DUS4L: variants seen among roughly 807,000 people sequenced by gnomAD.
The protein encoded by DUS4L is dihydrouridine synthase 4 like.
In DUS4L, 31 loss-of-function variants were observed where a neutral mutation model predicts 33.8. That is an observed-to-expected ratio of 0.92 (90% CI 0.69 to 1.24). The LOEUF is 1.24. DUS4L is among the 50% of genes most tolerant of loss of function. DUS4L has a pLI of 0.00. For missense variants in DUS4L, 368 were observed against 388.6 expected, an observed-to-expected ratio of 0.95 and a Z score of 0.45; for synonymous variants, 103 against 120.3, an observed-to-expected ratio of 0.86 and a Z score of 0.94.
intron 3 of DUS4L, among the ~76,000 whole-genome samples, chr7:107,567,570 C>T (rs935676299): frequency 3.3e-5 from 5 of 152,096 alleles, no homozygotes; most frequent in African/African-American, 1.2e-4. Context: ...AATATTTCTT[C>T]GTATCTTTTG....
Position 107,576,630 on chromosome 7 carries a change from G to A in DUS4L, c.706+38G>A, listed in dbSNP as rs754960060. 4 of 1,518,202 alleles carry A rather than the reference G, an allele frequency of 2.6e-6. No homozygotes were observed. The South Asian group carries it at 3.7e-5, about 14-fold the overall frequency. 94.0% of individuals were successfully genotyped at this position (1,518,202 alleles called of 1,614,324 possible). A position where few individuals can be genotyped will look rare whatever the true frequency, so the allele number is the denominator to read the frequency against. The stretch of plus-strand genomic sequence containing the variant: ...TACTTGGGTTCTTTTAATTGGGGGG[G>A]GAAGAAATGAGAGTGGGGAAGTAAT... On this transcript the variant is annotated intron_variant, in intron 7 of 7. Transcript: ENST00000265720.
intron 3 of DUS4L, among the ~76,000 whole-genome samples, chr7:107,567,525 G>C (rs1173740410): frequency 1.3e-5 from 2 of 151,944 alleles, no homozygotes; most frequent in African/African-American, 4.8e-5. Flanking sequence ...TGCAATTATG[G>C]GTCCTAAGGT....
intron 4 of DUS4L, 106 bp downstream of exon 4, chr7:107,571,372 C>G: frequency 7.1e-7 from 1 of 1,413,064 alleles, no homozygotes; most frequent in Non-Finnish European, 9.4e-7. Flanking sequence ...TGTGAAGAAG[C>G]TTTAGTTCTT....
rs935531991 is a variant in DUS4L at position 107,564,055 on chromosome 7, C to T, written c.-265C>T. On this transcript the variant is annotated 5_prime_UTR_variant, in exon 1 of 8. Transcript: ENST00000265720. ...CTGGGCTAAGCCTGGCTAGGAGCCGCGCAGGTACTCGAGCAGTGGGCGCCC... is the reference window on the plus strand; with the variant it reads ...CTGGGCTAAGCCTGGCTAGGAGCCGTGCAGGTACTCGAGCAGTGGGCGCCC... 1.1e-5 allele frequency: 17 copies of T among 1,510,654 alleles called. No individual in the cohort carries two copies. Among genetic ancestry groups the T allele is most frequent in the Admixed American group, 9.8e-5 (5 of 50,886 alleles). 93.6% of individuals were successfully genotyped at this position (1,510,654 alleles called of 1,614,324 possible).
rs1238315747 is a variant in DUS4L, at chr7:107,564,074, GGCGCCCAGGGTCCGAGTGCTCT to G, written c.-237_-216del. The G allele has an allele frequency of 2.1e-6, 3 of 1,425,526 alleles. No homozygotes were observed. The African/African-American group carries it at 4.2e-5, about 20-fold the overall frequency. The allele number at this position is 1,425,526 out of a possible 1,614,324, so 88.3% of individuals were successfully genotyped here. A position where few individuals can be genotyped will look rare whatever the true frequency, so the allele number is the denominator to read the frequency against. ...GAGCCGCGCAGGTACTCGAGCAGTG[GGCGCCCAGGGTCCGAGTGCTCT>G]GCGCCCAGCGCACCGAGGGAGCCAA... On this transcript the variant is annotated 5_prime_UTR_variant, in exon 1 of 8. Transcript: ENST00000265720.
At chr7:107,566,125 G>A (rs183292915) in intron 2 of DUS4L, among the ~76,000 whole-genome samples, 2 of 152,172 alleles carry the variant, frequency 1.3e-5, no homozygotes, top group Admixed American at 6.5e-5. Flanking sequence ...GGTGCTTCCA[G>A]CGGTTTCTTG....
At position 107,577,619 on chromosome 7, in the gene DUS4L, G is replaced by A; in HGVS notation, c.*59G>A. On this transcript the variant is annotated 3_prime_UTR_variant, in exon 8 of 8. Coordinates refer to ENST00000265720, the MANE Select transcript of DUS4L (RefSeq NM_181581.3). Reference sequence around the variant, plus strand: ...TAGACCCACAGTGAAACCACAGAAGGTCATATTTTGTACCTTAAACCAGTA... The same window carrying A: ...TAGACCCACAGTGAAACCACAGAAGATCATATTTTGTACCTTAAACCAGTA... The A allele has an allele frequency of 2.0e-6, 3 of 1,529,862 alleles. No homozygotes were observed. Among genetic ancestry groups the A allele is most frequent in the Non-Finnish European group, 2.6e-6 (3 of 1,133,804 alleles). The allele number at this position is 1,529,862 out of a possible 1,614,324, so 94.8% of individuals were successfully genotyped here.
Position 107,571,210 on chromosome 7 carries a change from C to G in DUS4L, c.182C>G (p.Ala61Gly). 6.2e-7 allele frequency: 1 copy of G among 1,611,158 alleles called. No individual in the cohort carries two copies. Among genetic ancestry groups the G allele is most frequent in the Non-Finnish European group, 8.5e-7 (1 of 1,179,294 alleles). The part of the protein sequence containing the change: ...CDLCYTPMIV[A>G]ADFVKSIKAR... ...CTGTGTTACACACCAATGATTGTTG[C>G]CGCTGATTTTGTCAAATCTATAAAA... Residue 61 changes from alanine to glycine, a missense_variant, in exon 4 of 8, where the codon GCC becomes GGC. By Grantham distance (60) the Ala-to-Gly change is moderately conservative (BLOSUM62 0). Transcript: ENST00000265720.
rs532651717 is a variant in DUS4L at position 107,567,683 on chromosome 7, G to A, written c.116+497G>A. The A allele has an allele frequency of 2.6e-5, 9 of 344,802 alleles. No individual in the cohort carries two copies. In the Admixed American group the frequency reaches 3.2e-4, roughly 12 times the overall value. 21.4% of individuals were successfully genotyped at this position (344,802 alleles called of 1,614,324 possible). A position where few individuals can be genotyped will look rare whatever the true frequency, so the allele number is the denominator to read the frequency against. ...AAATTTACCTCTCGATCATTTTTAA[G>A]TATACAGTTCAGCAGTGTTAATTAC... is the stretch of plus-strand genomic sequence containing the variant. On this transcript the variant is annotated intron_variant, in intron 3 of 7. Coordinates refer to ENST00000265720, the MANE Select transcript of DUS4L (RefSeq NM_181581.3).
At chr7:107,572,854 A>AG (rs1453390120) in intron 4 of DUS4L, among the ~76,000 whole-genome samples, 4 of 152,176 alleles carry the variant, frequency 2.6e-5, no homozygotes, top group African/African-American at 9.7e-5. Flanking sequence ...AAAAAAAAAA[A>AG]AAATTAAACA....
chr7:107,575,471 C>T, intron 6 of DUS4L, 161 bp downstream of exon 6: 2 of 697,580 alleles, frequency 2.9e-6, no homozygotes, highest in Non-Finnish European at 4.2e-6. Context: ...GAATATATAC[C>T]ATAATTTTCA....
rs184421763 is a variant in DUS4L, at chr7:107,567,340, C to A, written c.116+154C>A. ...AATTGAGTCATGATGCTACTACTTGCCTAGTATATATGTGATCCTGAGTAA... is the reference window on the plus strand; with the variant it reads ...AATTGAGTCATGATGCTACTACTTGACTAGTATATATGTGATCCTGAGTAA... On this transcript the variant is annotated intron_variant, in intron 3 of 7. Coordinates refer to ENST00000265720, the MANE Select transcript of DUS4L (RefSeq NM_181581.3). Among the ~76,000 whole-genome samples, 25 of 152,182 alleles carry A rather than the reference C, an allele frequency of 1.6e-4. No individual in the cohort carries two copies. The East Asian group carries it at 4.6e-3, about 28-fold the overall frequency.
chr7:107,571,053 AG>A, intron 3 of DUS4L, 91 bp from the exon 4 acceptor site: 1 of 1,527,894 alleles, frequency 6.5e-7, no homozygotes, highest in South Asian at 1.2e-5. Context: ...ATCTCCCCAT[AG>A]GTAGAACTTT....
intron 4 of DUS4L, among the ~76,000 whole-genome samples, chr7:107,573,479 A>G (rs1361382101): frequency 6.6e-6 from 1 of 152,212 alleles, no homozygotes; most frequent in Non-Finnish European, 1.5e-5. Context: ...AAGTATTAGA[A>G]TTGTTTTCAT....
intron 4 of DUS4L, 135 bp from the exon 5 acceptor site, chr7:107,573,569 T>C (rs1042083225): frequency 2.7e-6 from 2 of 751,544 alleles, no homozygotes; most frequent in Admixed American, 3.1e-5. Context: ...TTTAATGTTA[T>C]ATTATTTGGA....
At chr7:107,568,655 A>G (rs1278704779) in intron 3 of DUS4L, among the ~76,000 whole-genome samples, 1 of 152,236 alleles carries the variant, frequency 6.6e-6, no homozygotes, top group Non-Finnish European at 1.5e-5. Context: ...CTTTTGCAGA[A>G]CAAAAGTTTC....
chr7:107,573,660 G>GT, intron 4 of DUS4L, 44 bp from the exon 5 acceptor site: 2 of 1,584,038 alleles, frequency 1.3e-6, no homozygotes, highest in Admixed American at 1.8e-5. Context: ...TGTGCATGGG[G>GT]TTTTTTCCTG....
In DUS4L at chr7:107,577,659, G is replaced by A. The variant is rs1805873437; in HGVS notation, c.*99G>A. The A allele has an allele frequency of 7.5e-6, 10 of 1,334,638 alleles. No homozygotes were observed. In the East Asian group the frequency reaches 2.1e-4, roughly 29 times the overall value. The allele number at this position is 1,334,638 out of a possible 1,614,324, so 82.7% of individuals were successfully genotyped here. On this transcript the variant is annotated 3_prime_UTR_variant, in exon 8 of 8. Coordinates refer to ENST00000265720, the MANE Select transcript of DUS4L (RefSeq NM_181581.3). ...TTAAACCAGTAGCTCTCAAATTTTAGTATAAAAACAATTCCTGGGAGCGTT... is the reference window on the plus strand; with the variant it reads ...TTAAACCAGTAGCTCTCAAATTTTAATATAAAAACAATTCCTGGGAGCGTT...
At chr7:107,573,682 G>A in intron 4 of DUS4L, 22 bp from the exon 5 acceptor site, 2 of 1,599,932 alleles carry the variant, frequency 1.3e-6, no homozygotes, top group Non-Finnish European at 1.7e-6. Context: ...GAATTTTAAT[G>A]TTGAGCTATT....
Sources: allele counts gnomAD v4.1 joint callset (sites outside exome capture counted in the v4.1 genomes callset), GRCh38; gene constraint gnomAD v4.1.1; transcripts MANE v1.5; gene names NCBI Gene and HGNC (gene_info 2026-07-23, HGNC 2026-07-21).